NUP160: variants seen among roughly 807,000 people sequenced by gnomAD.
NUP160 encodes nuclear pore complex protein Nup160.
Under a neutral mutation model 196.9 loss-of-function variants are expected in NUP160, and 94 were observed. The ratio of observed to expected loss-of-function variants is 0.48; its 90% confidence interval spans 0.40 to 0.57. The LOEUF (loss-of-function observed/expected upper bound fraction) is 0.57. NUP160 is among the 20% of genes least tolerant of loss of function. NUP160 has a pLI of 0.00. For missense variants in NUP160, 1,638 were observed against 1,748.3 expected (o/e 0.94, Z 1.13); for synonymous variants, 605 against 619.7 (o/e 0.98, Z 0.35).
At chr11:47,792,903 T>A in exon 28 of NUP160, 1 of 1,613,582 alleles carries the variant, frequency 6.2e-7, no homozygotes. Context: ...GAGTTCGAAC[T>A]TCTCTGCCAA....
Position 47,813,338 on chromosome 11 carries a change from TTCTG to T in NUP160, c.1760_1763del (p.Thr587LysfsTer20), listed in dbSNP as rs2135376434. The T allele has an allele frequency of 6.2e-7, 1 of 1,607,150 alleles. No individual in the cohort carries two copies. Among genetic ancestry groups the T allele is most frequent in the South Asian group, 1.1e-5 (1 of 90,924 alleles). Reference sequence around the variant, plus strand: ...TACCATCAGATATGGTTGTCTCATCTTCTGTCAAAAGGTTCTCATAAGGCAGGAG... The same window carrying T: ...TACCATCAGATATGGTTGTCTCATCTTCAAAAGGTTCTCATAAGGCAGGAG... On this transcript the variant is annotated frameshift_variant, in exon 14 of 36. Coordinates refer to ENST00000378460, the Ensembl canonical transcript of NUP160. LOFTEE classifies it high-confidence loss of function.
chr11:47,810,760 G>T (rs1295745765), intron 17 of NUP160, among the ~76,000 whole-genome samples: 1 of 151,884 alleles, frequency 6.6e-6, no homozygotes, highest in African/African-American at 2.4e-5. Context: ...TGGCCAGGCT[G>T]GTCTCGAACT....
At chr11:47,810,067 CA>C (rs1254406876) in intron 17 of NUP160, among the ~76,000 whole-genome samples, 4 of 151,766 alleles carry the variant, frequency 2.6e-5, no homozygotes, top group African/African-American at 9.7e-5. Flanking sequence ...ATTTAAAAAA[CA>C]AAAAACCTGA....
At chr11:47,780,343 T>G in exon 35 of NUP160, 2 of 1,607,294 alleles carry the variant, frequency 1.2e-6, no homozygotes, top group Non-Finnish European at 1.7e-6. Context: ...GCTGACTTAC[T>G]GCGATGTTGT....
Position 47,836,872 on chromosome 11 carries a change from A to G in NUP160, c.942+15T>C. 7.0e-7 allele frequency: 1 copy of G among 1,428,330 alleles called. No homozygotes were observed. The highest frequency in any genetic ancestry group is 9.9e-7 in the Non-Finnish European group (1 of 1,014,164). 88.5% of individuals were successfully genotyped at this position (1,428,330 alleles called of 1,614,324 possible). ...TCCTGTTTTAACTTACAGCAACTAT[A>G]AATGTAGCACTTACCTTGTAAGACC... On this transcript the variant is annotated intron_variant, in intron 6 of 35. Coordinates refer to ENST00000378460, the Ensembl canonical transcript of NUP160.
At chr11:47,804,511 C>CA in intron 21 of NUP160, 38 bp downstream of exon 21, 1 of 1,352,874 alleles carries the variant, frequency 7.4e-7, no homozygotes, top group Non-Finnish European at 1.0e-6. Flanking sequence ...CCATGCTTTA[C>CA]AAGAATGTGT....
chr11:47,806,188 C>G, exon 20 of NUP160: 1 of 1,614,098 alleles, frequency 6.2e-7, no homozygotes, highest in Non-Finnish European at 8.5e-7. Context: ...TTGCAGTAAT[C>G]ATTTCAGGCC....
At chr11:47,814,323 C>T (rs1202591631) in intron 13 of NUP160, among the ~76,000 whole-genome samples, 1 of 151,718 alleles carries the variant, frequency 6.6e-6, no homozygotes, top group Non-Finnish European at 1.5e-5. Context: ...GGCGGATCAC[C>T]TGAGCCCAGG....
chr11:47,791,349 A>AT (rs1373244745), intron 29 of NUP160, among the ~76,000 whole-genome samples: 1 of 151,728 alleles, frequency 6.6e-6, no homozygotes, highest in African/African-American at 2.4e-5. Context: ...ACTAAACATT[A>AT]TTTTTTTTGA....
intron 27 of NUP160, chr11:47,796,268 A>C: frequency 1.5e-6 from 1 of 681,812 alleles, no homozygotes. Context: ...GATCAATCAG[A>C]AAGCTGTGGA....
exon 1 of NUP160, chr11:47,848,317 A>G (rs780822869): frequency 1.2e-6 from 2 of 1,613,632 alleles, no homozygotes; most frequent in Admixed American, 1.7e-5. Context: ...CGCCGCCGCC[A>G]TCTTCCCGCC....
At chr11:47,815,530 A>C (rs1461782390) in exon 13 of NUP160, 1 of 1,610,862 alleles carries the variant, frequency 6.2e-7, no homozygotes. Flanking sequence ...GTAGGGCAAG[A>C]GGGTGAGAGA....
chr11:47,819,032 G>A (rs1006819093), intron 10 of NUP160, among the ~76,000 whole-genome samples: 1 of 152,020 alleles, frequency 6.6e-6, no homozygotes, highest in Non-Finnish European at 1.5e-5. Flanking sequence ...GTGGAGATTT[G>A]GCCGGGCACG....
At chr11:47,839,908 A>G in exon 4 of NUP160, 1 of 1,614,182 alleles carries the variant, frequency 6.2e-7, no homozygotes, top group Non-Finnish European at 8.5e-7. Flanking sequence ...TAAGGCAAAC[A>G]GGGCCTCCCC....
At chr11:47,788,231 G>C in exon 31 of NUP160, 2 of 1,613,960 alleles carry the variant, frequency 1.2e-6, no homozygotes, top group Non-Finnish European at 1.7e-6. Flanking sequence ...TTAAAAGTCT[G>C]ACAGAGTGAT....
intron 23 of NUP160, among the ~76,000 whole-genome samples, chr11:47,800,905 G>A (rs2097673834): frequency 6.6e-6 from 1 of 152,166 alleles, no homozygotes; most frequent in South Asian, 2.1e-4. Flanking sequence ...GCACAGGCCA[G>A]GCAGAGGGCA....
chr11:47,846,379 C>T (rs1453384749), intron 2 of NUP160, among the ~76,000 whole-genome samples: 1 of 152,162 alleles, frequency 6.6e-6, no homozygotes, highest in African/African-American at 2.4e-5. Context: ...CAAAGGGCTG[C>T]TCCCCAGGTA....
At chr11:47,832,644 G>A (rs933165133) in intron 7 of NUP160, among the ~76,000 whole-genome samples, 1 of 152,164 alleles carries the variant, frequency 6.6e-6, no homozygotes, top group Non-Finnish European at 1.5e-5. Flanking sequence ...GCCTCGCCCT[G>A]CCTGGCAAAC....
At chr11:47,786,624 C>T in intron 31 of NUP160, 70 bp from the exon 32 acceptor site, 2 of 924,854 alleles carry the variant, frequency 2.2e-6, no homozygotes, top group Non-Finnish European at 3.5e-6. Flanking sequence ...GATACTAAAA[C>T]TAGAGAGATA....
Sources: gnomAD v4.1 joint callset for allele counts (sites outside exome capture counted in the v4.1 genomes callset) on GRCh38, gnomAD v4.1.1 for gene constraint, MANE v1.5 for transcripts, NCBI Gene and HGNC (gene_info 2026-07-23, HGNC 2026-07-21) for gene names.